Variants in CDH18 observed in about 807,000 individuals in gnomAD.
CDH18 encodes cadherin-18.
Under a neutral mutation model 67.9 loss-of-function variants are expected in CDH18, and 31 were observed. The ratio of observed to expected loss-of-function variants is 0.46; its 90% CI spans 0.34 to 0.62. The LOEUF is 0.62. Among genes scored for constraint, CDH18 ranks in the 20% least tolerant of loss-of-function variants. The pLI is 0.01. For missense variants in CDH18, 890 were observed against 975.5 expected (o/e 0.91, Z 1.17); for synonymous variants, 362 against 347.2 (o/e 1.04, Z -0.48).
intron 2 of CDH18, among the ~76,000 whole-genome samples, chr5:20,039,430 T>C (rs866352398): frequency 4.5e-4 from 69 of 152,130 alleles, no homozygotes; most frequent in African/African-American, 1.5e-3. Flanking sequence ...GGCATCACAC[T>C]ACCTGACTTC....
At position 20,048,653 on chromosome 5, in the gene CDH18, C is replaced by T. The variant is rs4279341; in HGVS notation, c.-517-56639G>A. 0.022 allele frequency among the ~76,000 whole-genome samples: 3,294 copies of T among 151,604 alleles called. 215 individuals carry two copies. In the East Asian group the frequency reaches 0.27, roughly 12 times the overall value. ...CTGTTGACTTCTCTTTCTACAGAAT[C>T]CCCCCTGGATATCTAAGTTGTAAGC... On this transcript the variant is annotated intron_variant, in intron 2 of 14. Transcript: ENST00000507958.
chr5:19,757,875 T>C (rs1399639354), intron 3 of CDH18, among the ~76,000 whole-genome samples: 2 of 152,214 alleles, frequency 1.3e-5, no homozygotes, highest in African/African-American at 4.8e-5. Context: ...TGGGAAGATT[T>C]CCCTTCACCG....
At chr5:20,535,747 G>C (rs1756679881) in intron 1 of CDH18, among the ~76,000 whole-genome samples, 1 of 152,076 alleles carries the variant, frequency 6.6e-6, no homozygotes, top group Non-Finnish European at 1.5e-5. Flanking sequence ...CCACCTTTCA[G>C]TAGCTTCCTC....
rs141446516 is a variant in CDH18 at position 19,770,968 on chromosome 5, C to T, written c.229-23732G>A. ...TAAACAGCACAACTCAACAAAAAGG[C>T]AATTAGTCCAGTTAAAAATGGACAC... On this transcript the variant is annotated intron_variant, in intron 3 of 12. Transcript: ENST00000382275. Among the ~76,000 whole-genome samples the T allele has an allele frequency of 5.3e-5, 8 of 152,248 alleles. No homozygotes were observed. In the East Asian group the frequency reaches 1.5e-3, roughly 29 times the overall value.
At chr5:19,519,586 T>C (rs887510011) in intron 10 of CDH18, among the ~76,000 whole-genome samples, 2 of 152,200 alleles carry the variant, frequency 1.3e-5, no homozygotes, top group Admixed American at 1.3e-4. Flanking sequence ...TCAGTGTGGG[T>C]ATGACCTGTG....
intron 2 of CDH18, among the ~76,000 whole-genome samples, chr5:20,104,160 T>C (rs377647148): frequency 1.6e-4 from 25 of 151,544 alleles, no homozygotes; most frequent in African/African-American, 5.3e-4. Flanking sequence ...TAGATTATTA[T>C]ATATTGATAG....
intron 2 of CDH18, among the ~76,000 whole-genome samples, chr5:19,956,704 A>G (rs1384147362): frequency 6.6e-6 from 1 of 151,932 alleles, no homozygotes; most frequent in Non-Finnish European, 1.5e-5. Flanking sequence ...ATTAGTATTG[A>G]TAATACAGTA....
intron 5 of CDH18, among the ~76,000 whole-genome samples, chr5:19,612,812 A>G (rs1749209172): frequency 6.6e-6 from 1 of 152,082 alleles, no homozygotes; most frequent in African/African-American, 2.4e-5. Context: ...CTATTAAGTA[A>G]ATTAAGATGT....
chr5:20,279,509 G>C (rs939555919), intron 1 of CDH18, among the ~76,000 whole-genome samples: 2 of 151,662 alleles, frequency 1.3e-5, no homozygotes, highest in Admixed American at 1.3e-4. Flanking sequence ...GACCAGCCTA[G>C]CCAGCATGGT....
intron 2 of CDH18, among the ~76,000 whole-genome samples, chr5:19,894,346 T>G (rs1789076800): frequency 6.6e-6 from 1 of 152,080 alleles, no homozygotes. Context: ...CTCAGGATAC[T>G]TTAACCAGTT....
At chr5:19,875,678 A>C (rs1450656408) in intron 2 of CDH18, among the ~76,000 whole-genome samples, 1 of 151,984 alleles carries the variant, frequency 6.6e-6, no homozygotes. Flanking sequence ...TCAAAATAGA[A>C]TTGAATCTTT....
intron 2 of CDH18, among the ~76,000 whole-genome samples, chr5:19,877,054 T>G (rs553598002): frequency 5.2e-4 from 79 of 152,082 alleles, no homozygotes; most frequent in Non-Finnish European, 9.4e-4. Context: ...AATCCCCCAA[T>G]GACTATGAAA....
chr5:20,109,376 C>T (rs1747255615), intron 2 of CDH18, among the ~76,000 whole-genome samples: 1 of 152,196 alleles, frequency 6.6e-6, no homozygotes, highest in African/African-American at 2.4e-5. Flanking sequence ...AGACAGAAAT[C>T]TCAGCTCTAG....
At chr5:20,153,940 C>T (rs1751330517) in intron 2 of CDH18, among the ~76,000 whole-genome samples, 1 of 152,134 alleles carries the variant, frequency 6.6e-6, no homozygotes, top group East Asian at 1.9e-4. Context: ...GTTTCTGTGT[C>T]ATATGATATG....
chr5:19,942,819 C>T (rs1215560251), intron 2 of CDH18, among the ~76,000 whole-genome samples: 1 of 152,144 alleles, frequency 6.6e-6, no homozygotes, highest in East Asian at 1.9e-4. Context: ...TAGCCCCTGT[C>T]AAGAAATGCC....
intron 1 of CDH18, among the ~76,000 whole-genome samples, chr5:20,520,534 C>T (rs975549476): frequency 6.6e-6 from 1 of 151,962 alleles, no homozygotes; most frequent in Non-Finnish European, 1.5e-5. Flanking sequence ...TGGATAGAAC[C>T]TTAGTGCTAA....
At chr5:19,606,078 G>C (rs1747989230) in intron 6 of CDH18, among the ~76,000 whole-genome samples, 1 of 151,724 alleles carries the variant, frequency 6.6e-6, no homozygotes, top group Admixed American at 6.6e-5. Context: ...CTTGAGACCA[G>C]TGGAGAGTAA....
chr5:19,698,886 A>C (rs1580933369), intron 5 of CDH18, among the ~76,000 whole-genome samples: 2 of 152,238 alleles, frequency 1.3e-5, no homozygotes. Context: ...GCAGGCCCTC[A>C]GCATAAGATA....
chr5:20,271,470 G>C (rs1232853419), intron 1 of CDH18, among the ~76,000 whole-genome samples: 1 of 152,062 alleles, frequency 6.6e-6, no homozygotes, highest in Non-Finnish European at 1.5e-5. Context: ...TGAGGTGATG[G>C]ATATGCCAAT....
Sources: allele counts gnomAD v4.1 joint callset (sites outside exome capture counted in the v4.1 genomes callset), GRCh38; gene constraint gnomAD v4.1.1; transcripts MANE v1.5; gene names NCBI Gene and HGNC (gene_info 2026-07-23, HGNC 2026-07-21).